INPP4B: variants seen among roughly 807,000 people sequenced by gnomAD.
INPP4B encodes inositol polyphosphate-4-phosphatase type II B.
INPP4B carries 55 observed loss-of-function variants against 122.5 expected under a neutral mutation model. The ratio of observed to expected loss-of-function variants is 0.45; its 90% CI spans 0.36 to 0.56. The LOEUF (loss-of-function observed/expected upper bound fraction) is 0.56. Ranked by LOEUF, INPP4B falls within the 20% of genes least tolerant of loss-of-function variation. The pLI is 0.00. For synonymous variants in INPP4B, 403 were observed against 388.7 expected, an observed-to-expected ratio of 1.04 and a Z score of -0.43; for missense variants, 1,000 against 1,097.7, an observed-to-expected ratio of 0.91 and a Z score of 1.26.
intron 18 of INPP4B, among the ~76,000 whole-genome samples, chr4:142,139,001 A>T (rs1199341477): frequency 6.6e-6 from 1 of 151,936 alleles, no homozygotes; most frequent in Non-Finnish European, 1.5e-5. Flanking sequence ...ATGCCTCCCA[A>T]ATGTTTACTT....
At chr4:142,119,883 C>T (rs892426938) in intron 21 of INPP4B, among the ~76,000 whole-genome samples, 13 of 145,230 alleles carry the variant, frequency 9.0e-5, no homozygotes, top group East Asian at 2.1e-4. Flanking sequence ...TACATATATA[C>T]GTATATATAC....
intron 25 of INPP4B, chr4:142,029,934 T>C: frequency 7.0e-6 from 9 of 1,279,366 alleles, no homozygotes; most frequent in Non-Finnish European, 8.9e-6. Flanking sequence ...CACCTTTCCA[T>C]GAACAAAAGA....
At chr4:142,672,006 G>C (rs931277487) in intron 2 of INPP4B, among the ~76,000 whole-genome samples, 3 of 152,084 alleles carry the variant, frequency 2.0e-5, no homozygotes, top group African/African-American at 7.2e-5. Flanking sequence ...CATGAAACAT[G>C]TAACCCTCTG....
chr4:142,243,010 C>T (rs1860262506), intron 11 of INPP4B, among the ~76,000 whole-genome samples: 1 of 152,088 alleles, frequency 6.6e-6, no homozygotes, highest in African/African-American at 2.4e-5. Flanking sequence ...TCAGATGTTT[C>T]TCGTCATTAC....
chr4:142,598,789 G>T (rs750726551), intron 2 of INPP4B, among the ~76,000 whole-genome samples: 12 of 152,116 alleles, frequency 7.9e-5, no homozygotes, highest in Non-Finnish European at 7.4e-5. Flanking sequence ...CTGCCTCTGT[G>T]CTCAGACTCA....
intron 1 of INPP4B, among the ~76,000 whole-genome samples, chr4:142,807,522 G>A (rs1317477219): frequency 6.6e-6 from 1 of 152,298 alleles, no homozygotes. Context: ...TCATCTTGGA[G>A]TGATGTGGAG....
chr4:142,132,445 T>C (rs1377406485), intron 18 of INPP4B, among the ~76,000 whole-genome samples: 1 of 152,170 alleles, frequency 6.6e-6, no homozygotes, highest in Non-Finnish European at 1.5e-5. Flanking sequence ...ATTAAATGAG[T>C]TAACGCAGTC....
chr4:142,552,014 G>A (rs1728102278), intron 2 of INPP4B, among the ~76,000 whole-genome samples: 1 of 152,052 alleles, frequency 6.6e-6, no homozygotes, highest in African/African-American at 2.4e-5. Context: ...GTCAAGTGGC[G>A]GGGGACCTAT....
intron 18 of INPP4B, among the ~76,000 whole-genome samples, chr4:142,126,595 G>A (rs1305236118): frequency 6.6e-6 from 1 of 151,936 alleles, no homozygotes; most frequent in Non-Finnish European, 1.5e-5. Flanking sequence ...GCTATTATGA[G>A]GATAAAAAGC....
At chr4:142,268,193 G>A (rs1325475135) in intron 10 of INPP4B, among the ~76,000 whole-genome samples, 2 of 150,762 alleles carry the variant, frequency 1.3e-5, no homozygotes, top group Non-Finnish European at 1.5e-5. Context: ...CATGGTGGCG[G>A]GTCCCTGTAG....
At chr4:142,285,361 C>T (rs1172641964) in intron 9 of INPP4B, among the ~76,000 whole-genome samples, 2 of 94,346 alleles carry the variant, frequency 2.1e-5, no homozygotes, top group Non-Finnish European at 3.8e-5. Context: ...GGGGAGGTGA[C>T]ATCTCTAGAT....
intron 2 of INPP4B, among the ~76,000 whole-genome samples, chr4:142,718,889 A>C (rs1412694131): frequency 6.6e-6 from 1 of 152,212 alleles, no homozygotes; most frequent in Admixed American, 6.5e-5. Context: ...CAAATATAAC[A>C]ACTTCAGTAT....
intron 10 of INPP4B, among the ~76,000 whole-genome samples, chr4:142,269,940 AG>A (rs1744937822): frequency 1.3e-5 from 2 of 152,222 alleles, no homozygotes; most frequent in South Asian, 4.1e-4. Flanking sequence ...GCAGTTTCTA[AG>A]TCTACCCCAT....
At chr4:142,587,657 A>G (rs1209641164) in intron 2 of INPP4B, among the ~76,000 whole-genome samples, 2 of 152,070 alleles carry the variant, frequency 1.3e-5, no homozygotes, top group African/African-American at 4.8e-5. Context: ...CCATCACCTC[A>G]AGCATTTAAC....
At chr4:142,223,004 A>AT (rs34148926) in intron 12 of INPP4B, among the ~76,000 whole-genome samples, 16,324 of 152,098 alleles carry the variant, frequency 0.11, 1,018 homozygotes, top group South Asian at 0.22. Context: ...TGTGAACTAC[A>AT]TTTTTTTTAT....
At chr4:142,372,964 A>AATAC (rs1313860194) in intron 7 of INPP4B, among the ~76,000 whole-genome samples, 3 of 151,956 alleles carry the variant, frequency 2.0e-5, no homozygotes, top group East Asian at 1.9e-4. Context: ...CTGCCTACAC[A>AATAC]ATACATACAT....
intron 2 of INPP4B, among the ~76,000 whole-genome samples, chr4:142,677,669 A>T (rs1758010627): frequency 6.6e-6 from 1 of 152,168 alleles, no homozygotes; most frequent in Non-Finnish European, 1.5e-5. Context: ...GCCATAAAAA[A>T]GGATGAGTTC....
At chr4:142,293,891 A>C (rs891085542) in intron 9 of INPP4B, among the ~76,000 whole-genome samples, 4 of 152,238 alleles carry the variant, frequency 2.6e-5, no homozygotes, top group African/African-American at 4.8e-5. Flanking sequence ...CTTTTGCAGC[A>C]ACATGGATGG....
At chr4:142,625,388 T>G (rs1746107749) in intron 2 of INPP4B, among the ~76,000 whole-genome samples, 1 of 152,018 alleles carries the variant, frequency 6.6e-6, no homozygotes, top group African/African-American at 2.4e-5. Flanking sequence ...CACAATTGCT[T>G]CAAAGTGAAT....
Sources: gnomAD v4.1 joint callset for allele counts (sites outside exome capture counted in the v4.1 genomes callset) on GRCh38, gnomAD v4.1.1 for gene constraint, MANE v1.5 for transcripts, NCBI Gene and HGNC (gene_info 2026-07-23, HGNC 2026-07-21) for gene names.